Variants in DNAAF1 observed in about 807,000 individuals in gnomAD.
The protein encoded by DNAAF1 is dynein assembly factor 1, axonemal.
In DNAAF1, 65 loss-of-function variants were observed where a neutral mutation model predicts 71.1. That is an observed-to-expected ratio of 0.91 (90% CI 0.75 to 1.12). The LOEUF (loss-of-function observed/expected upper bound fraction) is 1.12, where lower values mean the gene tolerates loss of function less well. DNAAF1 is among the 50% of genes most tolerant of loss of function. The pLI is 0.00. For missense variants in DNAAF1, 1,178 were observed against 899.8 expected (o/e 1.31, Z -3.96); for synonymous variants, 414 against 354.6 (o/e 1.17, Z -1.88).
chr16:84,157,351 C>T (rs2087488227), intron 5 of DNAAF1, among the ~76,000 whole-genome samples: 1 of 151,736 alleles, frequency 6.6e-6, no homozygotes, highest in Non-Finnish European at 1.5e-5. Flanking sequence ...GGCAAAACCC[C>T]ATCTCTACTA....
intron 3 of DNAAF1, among the ~76,000 whole-genome samples, chr16:84,153,914 G>C (rs1450389184): frequency 6.6e-6 from 1 of 152,044 alleles, no homozygotes; most frequent in Non-Finnish European, 1.5e-5. Flanking sequence ...CACCCTCCCA[G>C]GTGGGTAATT....
At position 84,172,360 on chromosome 16, in the gene DNAAF1, G is replaced by C. The variant is rs1366180142; in HGVS notation, c.1629G>C (p.Glu543Asp). ...DLETIRLETK[E>D]TFCIDDLPDL... ...AAACCATTAGACTGGAGACAAAGGAGACATTCTGCATTGATGTACATGAAG... is the reference window on the plus strand; with the variant it reads ...AAACCATTAGACTGGAGACAAAGGACACATTCTGCATTGATGTACATGAAG... The change falls in exon 9 of 12, where the codon GAG becomes GAC. Residue 543 changes from glutamate to aspartate, a missense_variant. Physicochemically the swap from Glu to Asp is conservative, Grantham distance 45. Coordinates refer to ENST00000378553, the MANE Select transcript of DNAAF1 (RefSeq NM_178452.6). 32 of 1,613,912 alleles carry C rather than the reference G, an allele frequency of 2.0e-5. No homozygotes were observed. Among genetic ancestry groups the C allele is most frequent in the Non-Finnish European group, 2.5e-5 (30 of 1,179,870 alleles).
chr16:84,153,241 G>A (rs938284581), intron 3 of DNAAF1, among the ~76,000 whole-genome samples: 2 of 152,156 alleles, frequency 1.3e-5, no homozygotes, highest in East Asian at 1.9e-4. Context: ...TTTTTGTGGA[G>A]AGGGTTTGCA....
intron 3 of DNAAF1, among the ~76,000 whole-genome samples, chr16:84,152,709 T>C (rs904203447): frequency 1.3e-5 from 2 of 150,594 alleles, no homozygotes; most frequent in Admixed American, 6.6e-5. Context: ...ATCCCAGCAC[T>C]TTGGGAGGCC....
chr16:84,177,791 G>T lies in DNAAF1; in HGVS notation c.2128G>T (p.Ala710Ser), dbSNP rs552601600. ...TGTCGGAGTTGCCCAGCCCAGCCAA[G>T]CTCTGCCCACGTGGGACCTCACTGC... is the stretch of plus-strand genomic sequence containing the variant. The part of the protein sequence containing the change: ...TCVGVAQPSQ[A>S]LPTWDLTAFP... The change falls in exon 12 of 12, where the codon GCT becomes TCT. Residue 710 changes from alanine to serine, a missense_variant. By Grantham distance (99) the Ala-to-Ser change is moderately conservative. Coordinates refer to ENST00000378553, the MANE Select transcript of DNAAF1 (RefSeq NM_178452.6). 6.8e-6 allele frequency: 11 copies of T among 1,614,076 alleles called. No homozygotes were observed. The Admixed American group carries it at 1.5e-4, about 22-fold the overall frequency.
At chr16:84,176,531 G>T in intron 11 of DNAAF1, 1 of 634,052 alleles carries the variant, frequency 1.6e-6, no homozygotes, top group Non-Finnish European at 2.8e-6. Context: ...GCCTCCTCTT[G>T]GGCAGCCGAG....
chr16:84,155,283 C>T (rs2087373713), intron 4 of DNAAF1, among the ~76,000 whole-genome samples: 1 of 152,148 alleles, frequency 6.6e-6, no homozygotes, highest in Non-Finnish European at 1.5e-5. Context: ...GGCTGAAATG[C>T]AGTGGTGCAG....
intron 3 of DNAAF1, among the ~76,000 whole-genome samples, chr16:84,152,504 G>T (rs1424123568): frequency 6.6e-6 from 1 of 151,790 alleles, no homozygotes; most frequent in African/African-American, 2.4e-5. Flanking sequence ...ACAAAAATTG[G>T]CCAGGTGTGA....
At chr16:84,164,686 C>T (rs138791192) in intron 6 of DNAAF1, among the ~76,000 whole-genome samples, 2 of 152,222 alleles carry the variant, frequency 1.3e-5, no homozygotes, top group African/African-American at 2.4e-5. Flanking sequence ...ATCTTGGTCA[C>T]TTCTAGTTTT....
At chr16:84,156,787 GA>G (rs2087447061) in intron 5 of DNAAF1, among the ~76,000 whole-genome samples, 1 of 150,836 alleles carries the variant, frequency 6.6e-6, no homozygotes, top group Non-Finnish European at 1.5e-5. Context: ...ATCAATGTTT[GA>G]CCCTTTTATT....
rs1202927706 is a variant in DNAAF1 at position 84,170,206 on chromosome 16, G to A, written c.1378G>A (p.Gly460Arg). 2 of 1,611,888 alleles carry A rather than the reference G, an allele frequency of 1.2e-6. No homozygotes were observed. Among genetic ancestry groups the A allele is most frequent in the Non-Finnish European group, 1.7e-6 (2 of 1,178,744 alleles). The stretch of plus-strand genomic sequence containing the variant: ...ACCTGTGGAGGTTAAAGGAGAGGAT[G>A]GAGATCAAGAGCCAGAGGGGACCCT... ...PPPVEVKGED[G>R]DQEPEGTLPA... The change falls in exon 8 of 12, where the codon GGA becomes AGA. Residue 460 changes from glycine to arginine, a missense_variant. By Grantham distance (125) the Gly-to-Arg change is moderately radical. Coordinates refer to ENST00000378553, the MANE Select transcript of DNAAF1 (RefSeq NM_178452.6).
intron 9 of DNAAF1, chr16:84,173,158 G>T (rs1335073108): frequency 2.0e-6 from 2 of 985,766 alleles, no homozygotes; most frequent in Non-Finnish European, 2.4e-6. Flanking sequence ...AATTTCACAT[G>T]GCCCAGTAGG....
At chr16:84,151,049 G>A (rs915080479) in intron 3 of DNAAF1, among the ~76,000 whole-genome samples, 4 of 152,194 alleles carry the variant, frequency 2.6e-5, no homozygotes, top group African/African-American at 4.8e-5. Context: ...ATGGAGAGGC[G>A]TGAGCAGGAG....
intron 4 of DNAAF1, among the ~76,000 whole-genome samples, chr16:84,155,108 C>CT: frequency 6.6e-6 from 1 of 152,268 alleles, no homozygotes; most frequent in Non-Finnish European, 1.5e-5. Flanking sequence ...CGGGGTTTCA[C>CT]CGTGTTAGCC....
chr16:84,146,642 C>A lies in DNAAF1; in HGVS notation c.124+1078C>A, dbSNP rs144190638. Reference sequence around the variant, plus strand: ...TAAGGCAGGAGAATTCCCTGAACCCCGGAGGCAGAGGTTGCAGTGAGCCAA... The same window carrying A: ...TAAGGCAGGAGAATTCCCTGAACCCAGGAGGCAGAGGTTGCAGTGAGCCAA... On this transcript the variant is annotated intron_variant, in intron 1 of 11. Coordinates refer to ENST00000378553, the MANE Select transcript of DNAAF1 (RefSeq NM_178452.6). Among the ~76,000 whole-genome samples, 573 of 151,910 alleles carry A rather than the reference C, an allele frequency of 3.8e-3. 5 individuals carry two copies. The highest frequency in any genetic ancestry group is 0.013 in the African/African-American group (550 of 41,440).
At chr16:84,146,391 C>T (rs542537582) in intron 1 of DNAAF1, among the ~76,000 whole-genome samples, 1 of 152,030 alleles carries the variant, frequency 6.6e-6, no homozygotes, top group South Asian at 2.1e-4. Flanking sequence ...TGTGTGATCC[C>T]CTCACCAAAG....
chr16:84,170,287 G>T lies in DNAAF1; in HGVS notation c.1459G>T (p.Asp487Tyr). 6.2e-7 allele frequency: 1 copy of T among 1,609,454 alleles called. No homozygotes were observed. The highest frequency in any genetic ancestry group is 8.5e-7 in the Non-Finnish European group (1 of 1,177,726). ...TGTGAAGGTTAAAGGAGAGGATGGA[G>T]ATCGAGAGCCAGAGGGGACCCTCCC... is the stretch of plus-strand genomic sequence containing the variant. ...PPVKVKGEDG[D>Y]REPEGTLPAE... is the part of the protein sequence containing the mutation. Residue 487 changes from aspartate (D) to tyrosine (Y), a missense_variant, in exon 8 of 12, where the codon GAT (aspartate) becomes TAT (tyrosine). Transcript: ENST00000378553.
At chr16:84,146,726 T>G (rs1455120962) in intron 1 of DNAAF1, among the ~76,000 whole-genome samples, 1 of 150,646 alleles carries the variant, frequency 6.6e-6, no homozygotes, top group Non-Finnish European at 1.5e-5. Context: ...GCCTGGGCAA[T>G]GGAGCAAGAC....
At position 84,171,380 on chromosome 16, in the gene DNAAF1, A is replaced by G. The variant is rs371638475; in HGVS notation, c.1529-880A>G. Among the ~76,000 whole-genome samples, 83 of 152,278 alleles carry G rather than the reference A, an allele frequency of 5.5e-4. No homozygotes were observed. The East Asian group carries it at 0.012, about 22-fold the overall frequency. On this transcript the variant is annotated intron_variant, in intron 8 of 11. Transcript: ENST00000378553. ...TGAGGTGGGAGGGGAAGGGGATGGG[A>G]GGTCGAGGCTGCAGTGAGCTGAGAT... is the stretch of plus-strand genomic sequence containing the variant.
Sources: gnomAD v4.1 joint callset for allele counts (sites outside exome capture counted in the v4.1 genomes callset) on GRCh38, gnomAD v4.1.1 for gene constraint, MANE v1.5 for transcripts, NCBI Gene and HGNC (gene_info 2026-07-23, HGNC 2026-07-21) for gene names.